Variants in PPP2R2B observed in about 807,000 individuals in gnomAD.
PPP2R2B encodes the protein protein phosphatase 2 regulatory subunit Bbeta, also known as serine/threonine-protein phosphatase 2A 55 kDa regulatory subunit B beta isoform.
In PPP2R2B, 5 loss-of-function variants were observed where a neutral mutation model predicts 46.0. The observed-to-expected ratio is 0.11, with a 90% confidence interval of 0.06 to 0.23. The LOEUF (loss-of-function observed/expected upper bound fraction) is 0.23. Ranked by LOEUF, PPP2R2B falls within the 10% of genes least tolerant of loss-of-function variation. The pLI is 1.00. For missense variants in PPP2R2B, 367 were observed against 575.0 expected, an observed-to-expected ratio of 0.64 and a Z score of 3.70; for synonymous variants, 215 against 206.7, an observed-to-expected ratio of 1.04 and a Z score of -0.34.
intron 1 of PPP2R2B, among the ~76,000 whole-genome samples, chr5:147,004,469 G>C (rs1465101877): frequency 6.6e-6 from 1 of 152,128 alleles, no homozygotes; most frequent in Non-Finnish European, 1.5e-5. Context: ...TTAATCTCTT[G>C]TCCTGGATGA....
At chr5:146,643,639 G>C (rs1469170743) in intron 6 of PPP2R2B, among the ~76,000 whole-genome samples, 1 of 152,156 alleles carries the variant, frequency 6.6e-6, no homozygotes, top group Non-Finnish European at 1.5e-5. Flanking sequence ...ATTGGGTTCA[G>C]TGTATACTGC....
upstream of PPP2R2B, among the ~76,000 whole-genome samples, chr5:147,058,261 G>A (rs763370951): frequency 1.3e-5 from 2 of 152,166 alleles, no homozygotes; most frequent in African/African-American, 2.4e-5. Flanking sequence ...CACAAATGAA[G>A]TGGATTTGAG....
chr5:146,669,098 A>C (rs1777183191), intron 5 of PPP2R2B, among the ~76,000 whole-genome samples: 1 of 152,230 alleles, frequency 6.6e-6, no homozygotes, highest in South Asian at 2.1e-4. Context: ...AGTTCATTTA[A>C]AATCACTGTA....
At chr5:146,818,469 TCC>T (rs1239430004) in intron 2 of PPP2R2B, among the ~76,000 whole-genome samples, 2 of 152,112 alleles carry the variant, frequency 1.3e-5, no homozygotes, top group African/African-American at 4.8e-5. Flanking sequence ...TGATAAGATG[TCC>T]CCATCCCTGC....
chr5:146,811,753 G>C (rs1757564116), intron 2 of PPP2R2B, among the ~76,000 whole-genome samples: 1 of 141,224 alleles, frequency 7.1e-6, no homozygotes, highest in Admixed American at 7.2e-5. Context: ...TTTTTCAGTA[G>C]AGACGGGGTT....
rs1753361440 is a variant in PPP2R2B at position 146,985,050 on chromosome 5, T to C, written c.79+70615A>G. 1.5e-5 allele frequency among the ~76,000 whole-genome samples: 2 copies of C among 135,910 alleles called. 1 individual carries two copies. The highest frequency in any genetic ancestry group is 5.3e-5 in the African/African-American group (2 of 37,650). 89.2% of individuals were successfully genotyped at this position (135,910 alleles called of 152,430 possible). On this transcript the variant is annotated intron_variant, in intron 1 of 8. Coordinates refer to the PPP2R2B transcript ENST00000336640. ...TTTTTTTTTTTTTTGAGACGGAGTC[T>C]CACTCTGTCAACCAGGCTGGAGTGC...
intron 5 of PPP2R2B, among the ~76,000 whole-genome samples, chr5:146,684,120 C>T (rs190108052): frequency 2.8e-4 from 42 of 152,238 alleles, no homozygotes; most frequent in African/African-American, 9.1e-4. Flanking sequence ...AGTAGCTAAA[C>T]ACGCCATTGT....
intron 2 of PPP2R2B, among the ~76,000 whole-genome samples, chr5:146,840,882 A>C (rs1245874896): frequency 6.6e-6 from 1 of 152,178 alleles, no homozygotes; most frequent in Non-Finnish European, 1.5e-5. Flanking sequence ...ACACGTCCTT[A>C]ATCTGATAGA....
At position 146,738,020 on chromosome 5, in the gene PPP2R2B, G is replaced by A. The variant is rs1216255232; in HGVS notation, c.71-36878C>T. 2.0e-5 allele frequency among the ~76,000 whole-genome samples: 3 copies of A among 152,018 alleles called. No individual in the cohort carries two copies. In the East Asian group the frequency reaches 5.8e-4, roughly 29 times the overall value. Reference sequence around the variant, plus strand: ...CTATGTTCGACCTTGAAGGTACAAAGACCATCAACACATGATTGTCACTCT... The same window carrying A: ...CTATGTTCGACCTTGAAGGTACAAAAACCATCAACACATGATTGTCACTCT... On this transcript the variant is annotated intron_variant, in intron 2 of 9. Transcript: ENST00000394411.
intron 5 of PPP2R2B, among the ~76,000 whole-genome samples, chr5:146,682,098 T>C (rs1778211496): frequency 6.6e-6 from 1 of 152,202 alleles, no homozygotes; most frequent in East Asian, 1.9e-4. Flanking sequence ...TATAGGGTTC[T>C]GCTTATATTT....
chr5:146,635,946 T>C (rs1309195557), intron 7 of PPP2R2B, among the ~76,000 whole-genome samples: 5 of 152,230 alleles, frequency 3.3e-5, no homozygotes, highest in African/African-American at 1.2e-4. Flanking sequence ...AATGCCAACC[T>C]TTAATATCAC....
chr5:146,714,982 T>A (rs991393420), intron 2 of PPP2R2B, among the ~76,000 whole-genome samples: 1 of 152,192 alleles, frequency 6.6e-6, no homozygotes, highest in Non-Finnish European at 1.5e-5. Flanking sequence ...GGCTGCTAAC[T>A]CATATACACT....
intron 2 of PPP2R2B, among the ~76,000 whole-genome samples, chr5:146,766,094 G>A (rs1754460452): frequency 2.0e-5 from 3 of 152,084 alleles, no homozygotes; most frequent in Admixed American, 2.0e-4. Flanking sequence ...GGAGCCAATG[G>A]CATCTCTTGA....
At chr5:146,653,603 C>T (rs945500373) in intron 5 of PPP2R2B, among the ~76,000 whole-genome samples, 4 of 152,120 alleles carry the variant, frequency 2.6e-5, no homozygotes, top group African/African-American at 4.8e-5. Context: ...CTTCCCCGGG[C>T]CTCCTCAGTT....
intron 2 of PPP2R2B, among the ~76,000 whole-genome samples, chr5:146,812,797 A>ATATATATATATATATATATG (rs1757683041): frequency 2.3e-5 from 1 of 42,732 alleles, no homozygotes; most frequent in Non-Finnish European, 4.2e-5. Flanking sequence ...ATGTGTGTAT[A>ATATATATATATATATATATG]TATATATATA....
chr5:146,688,877 C>T lies in PPP2R2B; in HGVS notation c.447+2251G>A, dbSNP rs544936010. On this transcript the variant is annotated intron_variant, in intron 5 of 9. Transcript: ENST00000394411. ...AAGGTAAAGTCTGGGCAGAAGTTCA[C>T]GGTATAAACTCTACGTGGCACTTAA... is the stretch of plus-strand genomic sequence containing the variant. Among the ~76,000 whole-genome samples the T allele has an allele frequency of 9.9e-5, 15 of 152,028 alleles. 1 individual carries two copies. Among genetic ancestry groups the T allele is most frequent in the South Asian group, 2.1e-4 (1 of 4,806 alleles).
intron 7 of PPP2R2B, among the ~76,000 whole-genome samples, chr5:146,632,396 G>A (rs974870765): frequency 2.6e-5 from 4 of 152,310 alleles, no homozygotes; most frequent in Non-Finnish European, 4.4e-5. Context: ...TAGTTGAATT[G>A]TTTAAGCAGT....
chr5:147,021,266 A>G (rs1043807312), intron 1 of PPP2R2B, among the ~76,000 whole-genome samples: 3 of 152,186 alleles, frequency 2.0e-5, no homozygotes, highest in Admixed American at 6.5e-5. Flanking sequence ...ACCCTGGGGT[A>G]AGAAAGGGGC....
chr5:146,775,352 A>G (rs1755119198), intron 2 of PPP2R2B, among the ~76,000 whole-genome samples: 1 of 152,206 alleles, frequency 6.6e-6, no homozygotes, highest in Admixed American at 6.5e-5. Flanking sequence ...AAAATCAATG[A>G]GTGTAATATA....
Sources: gnomAD v4.1 joint callset for allele counts (sites outside exome capture counted in the v4.1 genomes callset) on GRCh38, gnomAD v4.1.1 for gene constraint, MANE v1.5 for transcripts, NCBI Gene and HGNC (gene_info 2026-07-23, HGNC 2026-07-21) for gene names.